Variants in NLRC5 observed in about 807,000 individuals in gnomAD.
NLRC5 encodes NLR family CARD domain containing 5, also known as protein NLRC5.
NLRC5 carries 114 observed loss-of-function variants against 206.9 expected under a neutral mutation model. The ratio of observed to expected loss-of-function variants is 0.55; its 90% CI spans 0.47 to 0.64. NLRC5 has a LOEUF of 0.64. NLRC5 is among the 30% of genes least tolerant of loss of function. NLRC5 has a pLI of 0.00. For missense variants in NLRC5, 2,008 were observed against 2,305.5 expected (o/e 0.87, Z 2.64); for synonymous variants, 952 against 962.8 (o/e 0.99, Z 0.21).
chr16:57,025,578 T>G lies in NLRC5; in HGVS notation c.635T>G (p.Leu212Arg). 2.5e-6 allele frequency: 4 copies of G among 1,614,094 alleles called. No homozygotes were observed. The highest frequency in any genetic ancestry group is 3.4e-6 in the Non-Finnish European group (4 of 1,179,984). Residue 212 changes from leucine (L) to arginine (R), a missense_variant, in exon 6 of 49, where the codon CTC becomes CGC. Leu to Arg is a moderately radical substitution (Grantham distance 102). Coordinates refer to ENST00000688547, the MANE Select transcript of NLRC5 (RefSeq NM_001384950.1). ...EDGADVSISD[L>R]FNTRVNKGPR... The stretch of plus-strand genomic sequence containing the variant: ...GGTGCTGACGTGAGCATCTCGGACC[T>G]CTTCAACACCAGGGTTAACAAGGGC...
chr16:57,069,946 G>A lies in NLRC5; in HGVS notation c.4583+27G>A, dbSNP rs771652424. On this transcript the variant is annotated intron_variant, in intron 37 of 48. Transcript: ENST00000688547. ...TGAGTTGCAGAGTGGAGGGATTGGG[G>A]ACAAGTGGCCCAGCTGAGGGTGAGG... The A allele has an allele frequency of 5.2e-6, 8 of 1,544,702 alleles. No homozygotes were observed. In the Admixed American group the frequency reaches 7.8e-5, roughly 15 times the overall value.
intron 27 of NLRC5, among the ~76,000 whole-genome samples, chr16:57,057,312 T>C (rs1458237423): frequency 6.6e-6 from 1 of 152,178 alleles, no homozygotes; most frequent in Non-Finnish European, 1.5e-5. Context: ...TAATCCCAGC[T>C]ACTTGGGAGG....
At chr16:57,067,333 T>C (rs2067181996) in intron 34 of NLRC5, 54 bp from the exon 35 acceptor site, 1 of 1,423,916 alleles carries the variant, frequency 7.0e-7, no homozygotes, top group Admixed American at 1.7e-5. Flanking sequence ...AGATACTGAA[T>C]CCCACATACT....
At chr16:57,042,304 A>G (rs1018175846) in intron 19 of NLRC5, among the ~76,000 whole-genome samples, 2 of 152,136 alleles carry the variant, frequency 1.3e-5, no homozygotes, top group Non-Finnish European at 2.9e-5. Flanking sequence ...CTGTCTCCGC[A>G]TCTCTGAACA....
intron 13 of NLRC5, 53 bp from the exon 14 acceptor site, chr16:57,036,047 A>T (rs2062525744): frequency 1.3e-6 from 2 of 1,522,450 alleles, no homozygotes; most frequent in East Asian, 2.3e-5. Flanking sequence ...AGTGATGGGG[A>T]TTGAGGGAGG....
In NLRC5 at chr16:57,036,225, G is replaced by A. The variant is rs369981819; in HGVS notation, c.2711+42G>A. 2.3e-5 allele frequency: 36 copies of A among 1,588,062 alleles called. No individual in the cohort carries two copies. In the African/African-American group the frequency reaches 4.3e-4, roughly 19 times the overall value. On this transcript the variant is annotated intron_variant, in intron 14 of 48. Transcript: ENST00000688547. ...ACCGCTGGGTACCAGGGAAGGCCCT[G>A]TAGAGCCCCAGGAGGTCCCCGTGTT...
intron 4 of NLRC5, among the ~76,000 whole-genome samples, chr16:57,022,544 C>T (rs151191007): frequency 7.4e-4 from 112 of 152,314 alleles, no homozygotes; most frequent in African/African-American, 2.5e-3. Flanking sequence ...GTCCCGTTAC[C>T]AATTCTAAAG....
At chr16:57,019,525 TG>T (rs1369799024) in intron 2 of NLRC5, among the ~76,000 whole-genome samples, 1 of 152,172 alleles carries the variant, frequency 6.6e-6, no homozygotes, top group Non-Finnish European at 1.5e-5. Context: ...TTAACCAGAA[TG>T]GAAGTGTATT....
rs140458390 is a variant in NLRC5, at chr16:56,999,187, C to T, written c.-128+9570C>T. 1.1e-4 allele frequency among the ~76,000 whole-genome samples: 17 copies of T among 152,348 alleles called. 1 individual carries two copies. The highest frequency in any genetic ancestry group is 3.6e-4 in the African/African-American group (15 of 41,586). On this transcript the variant is annotated intron_variant, in intron 1 of 48. Transcript: ENST00000688547. The stretch of plus-strand genomic sequence containing the variant: ...GGCTCCTCCCTCCTGACCTAATTAC[C>T]TCCCCCAGACCCCAGCTCCTAATAC...
At chr16:57,001,567 G>A (rs1404376169) in intron 1 of NLRC5, among the ~76,000 whole-genome samples, 1 of 152,122 alleles carries the variant, frequency 6.6e-6, no homozygotes, top group African/African-American at 2.4e-5. Flanking sequence ...CACACTAGTG[G>A]TAATCATAGC....
chr16:57,077,726 G>T lies in NLRC5; in HGVS notation c.4927G>T (p.Gly1643Trp). Residue 1643 changes from glycine (G) to tryptophan (W), a missense_variant, in exon 42 of 49, where the codon GGG (glycine) becomes TGG (tryptophan). Physicochemically the swap from Gly to Trp is radical, Grantham distance 184 (BLOSUM62 -2). Coordinates refer to ENST00000688547, the MANE Select transcript of NLRC5 (RefSeq NM_001384950.1). ...LPELRKIDLS[G>W]NSISSAGGVQ... The stretch of plus-strand genomic sequence containing the variant: ...GCTGCCCCCCTCCCACAGCCTCTCA[G>T]GGAATAGCATCAGCTCAGCCGGGGG... 1 of 1,585,282 alleles carries T rather than the reference G, an allele frequency of 6.3e-7. No individual in the cohort carries two copies. Among genetic ancestry groups the T allele is most frequent in the Non-Finnish European group, 8.6e-7 (1 of 1,163,750 alleles).
chr16:57,007,660 T>G (rs1486569020), intron 1 of NLRC5, among the ~76,000 whole-genome samples: 3 of 151,578 alleles, frequency 2.0e-5, no homozygotes, highest in Non-Finnish European at 4.4e-5. Flanking sequence ...ACTGGGGAGG[T>G]GGAAGTTGCA....
chr16:57,079,339 G>A, intron 45 of NLRC5, 47 bp downstream of exon 45: 3 of 1,600,094 alleles, frequency 1.9e-6, no homozygotes, highest in Non-Finnish European at 2.6e-6. Flanking sequence ...GCAGGCTGAG[G>A]GCAGCCCTTC....
chr16:57,082,658 G>T lies in NLRC5; in HGVS notation c.*130G>T, dbSNP rs749860048. On this transcript the variant is annotated 3_prime_UTR_variant, in exon 49 of 49. Transcript: ENST00000688547. Reference sequence around the variant, plus strand: ...GCTCTGCACTCCACCCAGGAGGAAGGATACGTGTGTCCTGCTGCAGTCCTC... The same window carrying T: ...GCTCTGCACTCCACCCAGGAGGAAGTATACGTGTGTCCTGCTGCAGTCCTC... The T allele has an allele frequency of 2.9e-5, 19 of 650,140 alleles. No individual in the cohort carries two copies. Among genetic ancestry groups the T allele is most frequent in the Non-Finnish European group, 4.5e-5 (17 of 379,856 alleles). The allele number at this position is 650,140 out of a possible 1,614,324, so 40.3% of individuals were successfully genotyped here.
intron 38 of NLRC5, among the ~76,000 whole-genome samples, chr16:57,072,141 T>C (rs2067869687): frequency 6.6e-6 from 1 of 152,142 alleles, no homozygotes; most frequent in Non-Finnish European, 1.5e-5. Flanking sequence ...TTTGTCAGGC[T>C]TCTCTCTCAC....
In NLRC5 at chr16:57,029,766, C is replaced by A. The variant is rs781215530; in HGVS notation, c.2244-7C>A. ...GGCAAAGGGACTGGGCCTTGGTCTC[C>A]TCGCAGTTTTCGGGACAACCAGCTC... On this transcript the variant is annotated splice_region_variant and splice_polypyrimidine_tract_variant and intron_variant, in intron 8 of 48. Transcript: ENST00000688547. 2 of 1,613,864 alleles carry A rather than the reference C, an allele frequency of 1.2e-6. No individual in the cohort carries two copies. The highest frequency in any genetic ancestry group is 2.7e-5 in the African/African-American group (2 of 74,918).
intron 1 of NLRC5, chr16:57,003,940 C>T (rs2058601736): frequency 6.6e-6 from 1 of 151,790 alleles, no homozygotes; most frequent in Non-Finnish European, 1.5e-5. Flanking sequence ...AAATCCAGGG[C>T]CCTGGTACGG....
At position 57,026,288 on chromosome 16, in the gene NLRC5, C is replaced by G. The variant is rs201280147; in HGVS notation, c.1345C>G (p.Pro449Ala). The G allele has an allele frequency of 1.4e-4, 227 of 1,614,086 alleles. No individual in the cohort carries two copies. The highest frequency in any genetic ancestry group is 1.8e-4 in the Non-Finnish European group (216 of 1,180,054). ...GCAGATGGTGCTCGCCCTCAGCCCC[C>G]CTGGGCACTTGCCCACCTCGTCCCT... ...YMQMVLALSP[P>A]GHLPTSSLLD... is the part of the protein sequence containing the mutation. The change falls in exon 6 of 49, where the codon CCT becomes GCT. Residue 449 changes from proline to alanine, a missense_variant. Physicochemically the swap from Pro to Ala is conservative, Grantham distance 27. Coordinates refer to ENST00000688547, the MANE Select transcript of NLRC5 (RefSeq NM_001384950.1).
chr16:57,043,298 A>G (rs2063517477), intron 19 of NLRC5, among the ~76,000 whole-genome samples: 1 of 151,984 alleles, frequency 6.6e-6, no homozygotes, highest in African/African-American at 2.4e-5. Flanking sequence ...TGTCACCAAC[A>G]TGTCTCATAA....
Sources: gnomAD v4.1 joint callset for allele counts (sites outside exome capture counted in the v4.1 genomes callset) on GRCh38, gnomAD v4.1.1 for gene constraint, MANE v1.5 for transcripts, NCBI Gene and HGNC (gene_info 2026-07-23, HGNC 2026-07-21) for gene names.